The following C1orf21 variants were observed in gnomAD, a reference collection of about 807,000 sequenced individuals.
The protein encoded by C1orf21 is chromosome 1 open reading frame 21.
Under a neutral mutation model 18.7 loss-of-function variants are expected in C1orf21, and 3 were observed. That is an observed-to-expected ratio of 0.16 (90% CI 0.07 to 0.42). The LOEUF (loss-of-function observed/expected upper bound fraction) is 0.42, where lower values mean the gene tolerates loss of function less well. Among genes scored for constraint, C1orf21 ranks in the 10% least tolerant of loss-of-function variants. The pLI is 0.99. For missense variants in C1orf21, 104 were observed against 143.6 expected (o/e 0.72, Z 1.41); for synonymous variants, 41 against 46.4 (o/e 0.88, Z 0.47).
intron 3 of C1orf21, among the ~76,000 whole-genome samples, chr1:184,509,033 T>C (rs1658106820): frequency 6.6e-6 from 1 of 152,202 alleles, no homozygotes; most frequent in Non-Finnish European, 1.5e-5. Context: ...TAGTTTCAGC[T>C]TGAGTTATCA....
At chr1:184,556,141 A>G (rs959102590) in intron 3 of C1orf21, among the ~76,000 whole-genome samples, 9 of 152,064 alleles carry the variant, frequency 5.9e-5, no homozygotes, top group Admixed American at 4.6e-4. Context: ...TCACCACAGT[A>G]TGGATTCTCA....
chr1:184,597,425 C>CTAAAGGATAAGGCATGATG (rs1195194747), intron 4 of C1orf21, among the ~76,000 whole-genome samples: 3 of 152,102 alleles, frequency 2.0e-5, no homozygotes, highest in African/African-American at 7.2e-5. Flanking sequence ...CTTGTGGCCC[C>CTAAAGGATAAGGCATGATG]TAAAGGATAA....
intron 1 of C1orf21, among the ~76,000 whole-genome samples, chr1:184,474,003 G>C (rs1657534090): frequency 6.6e-6 from 1 of 152,220 alleles, no homozygotes; most frequent in Non-Finnish European, 1.5e-5. Flanking sequence ...TTGGACAAGT[G>C]TTTATGTGCA....
intron 3 of C1orf21, among the ~76,000 whole-genome samples, chr1:184,560,774 G>A (rs1658952960): frequency 6.6e-6 from 1 of 152,074 alleles, no homozygotes; most frequent in Non-Finnish European, 1.5e-5. Context: ...CCTCTAAAAG[G>A]TATCTGTCCC....
intron 2 of C1orf21, among the ~76,000 whole-genome samples, chr1:184,485,850 A>G (rs1350459410): frequency 6.6e-6 from 1 of 152,186 alleles, no homozygotes. Context: ...AAGGTGAGAG[A>G]GAAAATCATG....
intron 2 of C1orf21, among the ~76,000 whole-genome samples, chr1:184,505,306 AATATATATATAT>A (rs59445875): frequency 9.0e-5 from 6 of 66,772 alleles, no homozygotes; most frequent in South Asian, 4.9e-4. Context: ...TACATAAAGA[AATATATATATAT>A]ATATATATAT....
rs141477570 is a variant in C1orf21 at position 184,459,001 on chromosome 1, A to G, written c.-124-18385A>G. Among the ~76,000 whole-genome samples the G allele has an allele frequency of 5.9e-5, 9 of 152,348 alleles. No homozygotes were observed. The South Asian group carries it at 6.2e-4, about 11-fold the overall frequency. ...TGTCTTTTCATAAAGCAGTATATCA[A>G]TAGTAATCATATCTACTTAAACGTT... On this transcript the variant is annotated intron_variant, in intron 1 of 5. Coordinates refer to ENST00000235307, the MANE Select transcript of C1orf21 (RefSeq NM_030806.4).
intron 5 of C1orf21, among the ~76,000 whole-genome samples, chr1:184,613,344 A>T (rs1659769011): frequency 6.6e-6 from 1 of 152,240 alleles, no homozygotes; most frequent in African/African-American, 2.4e-5. Context: ...CAAATCCCCC[A>T]TGGATAAGCA....
intron 5 of C1orf21, among the ~76,000 whole-genome samples, chr1:184,612,253 C>A (rs1659746836): frequency 6.6e-6 from 1 of 152,174 alleles, no homozygotes; most frequent in Non-Finnish European, 1.5e-5. Flanking sequence ...GCTTACACTT[C>A]CAGACAGAAA....
intron 1 of C1orf21, among the ~76,000 whole-genome samples, chr1:184,392,078 C>G (rs541712584): frequency 6.6e-6 from 1 of 152,200 alleles, no homozygotes; most frequent in Non-Finnish European, 1.5e-5. Context: ...ATTTGACAGG[C>G]GTTCCTTCCC....
At chr1:184,512,299 G>A (rs760394844) in intron 3 of C1orf21, among the ~76,000 whole-genome samples, 20 of 152,146 alleles carry the variant, frequency 1.3e-4, no homozygotes, top group Non-Finnish European at 1.9e-4. Flanking sequence ...TCCTCTTTTG[G>A]ACTGTAAGCT....
At chr1:184,545,311 A>G (rs1256120384) in intron 3 of C1orf21, among the ~76,000 whole-genome samples, 1 of 152,248 alleles carries the variant, frequency 6.6e-6, no homozygotes, top group African/African-American at 2.4e-5. Flanking sequence ...ATGTGCAGAT[A>G]TGAAAAGATC....
At chr1:184,514,641 C>G (rs569638655) in intron 3 of C1orf21, among the ~76,000 whole-genome samples, 2 of 152,262 alleles carry the variant, frequency 1.3e-5, no homozygotes, top group East Asian at 3.9e-4. Context: ...TCTTGCTGTC[C>G]ACCCTAGCAG....
chr1:184,432,906 AC>A (rs1307108530), intron 1 of C1orf21, among the ~76,000 whole-genome samples: 1 of 152,220 alleles, frequency 6.6e-6, no homozygotes, highest in Non-Finnish European at 1.5e-5. Flanking sequence ...GTATTTGATA[AC>A]AAGAGACAAG....
At chr1:184,586,692 T>G (rs1419191096) in intron 3 of C1orf21, among the ~76,000 whole-genome samples, 1 of 152,192 alleles carries the variant, frequency 6.6e-6, no homozygotes, top group African/African-American at 2.4e-5. Context: ...TTTGCAAAAT[T>G]TTTCTCCCAT....
intron 3 of C1orf21, among the ~76,000 whole-genome samples, chr1:184,530,729 TTTA>T (rs1250157596): frequency 6.6e-6 from 1 of 152,020 alleles, no homozygotes; most frequent in African/African-American, 2.4e-5. Flanking sequence ...TATAGCTATT[TTTA>T]TTCAGCAACT....
chr1:184,446,083 G>A (rs1351736224), intron 1 of C1orf21, among the ~76,000 whole-genome samples: 2 of 151,968 alleles, frequency 1.3e-5, no homozygotes, highest in African/African-American at 4.8e-5. Context: ...TTAGAATTCA[G>A]GAAATGCTTC....
chr1:184,395,105 A>T (rs967600811), intron 1 of C1orf21, among the ~76,000 whole-genome samples: 1 of 152,132 alleles, frequency 6.6e-6, no homozygotes, highest in African/African-American at 2.4e-5. Flanking sequence ...CTGCTATAAG[A>T]GTGGTTTCTC....
intron 1 of C1orf21, among the ~76,000 whole-genome samples, chr1:184,438,596 G>A (rs956402296): frequency 6.6e-6 from 1 of 152,194 alleles, no homozygotes; most frequent in African/African-American, 2.4e-5. Flanking sequence ...GAGGTCTGGG[G>A]CTGGGCCAGT....
Sources: gnomAD v4.1 joint callset for allele counts (sites outside exome capture counted in the v4.1 genomes callset) on GRCh38, gnomAD v4.1.1 for gene constraint, MANE v1.5 for transcripts, NCBI Gene and HGNC (gene_info 2026-07-23, HGNC 2026-07-21) for gene names.